The following SLIT3 variants were observed in gnomAD, a reference collection of about 807,000 sequenced individuals.
SLIT3 encodes the protein slit homolog 3 protein.
SLIT3 carries 68 observed loss-of-function variants against 184.0 expected under a neutral mutation model. The observed-to-expected ratio is 0.37, with a 90% CI of 0.30 to 0.45. The LOEUF (loss-of-function observed/expected upper bound fraction) is 0.45, where lower values mean the gene tolerates loss of function less well. SLIT3 is among the 20% of genes least tolerant of loss of function. The pLI is 1.00. For missense variants in SLIT3, 1,707 were observed against 2,026.0 expected, an observed-to-expected ratio of 0.84 and a Z score of 3.02; for synonymous variants, 831 against 828.6, an observed-to-expected ratio of 1.00 and a Z score of -0.05.
chr5:168,795,280 T>C (rs1756526938), intron 10 of SLIT3, among the ~76,000 whole-genome samples: 1 of 152,196 alleles, frequency 6.6e-6, no homozygotes, highest in African/African-American at 2.4e-5. Context: ...TTTGCTTTAG[T>C]TGGAGAGGCT....
intron 3 of SLIT3, among the ~76,000 whole-genome samples, chr5:169,212,827 A>G (rs1170688511): frequency 6.6e-6 from 1 of 152,168 alleles, no homozygotes; most frequent in Non-Finnish European, 1.5e-5. Flanking sequence ...TGTCTAAGGT[A>G]TAAGGAAGGC....
At chr5:168,952,807 G>A (rs1354818452) in intron 4 of SLIT3, among the ~76,000 whole-genome samples, 2 of 152,198 alleles carry the variant, frequency 1.3e-5, no homozygotes, top group Non-Finnish European at 2.9e-5. Flanking sequence ...GGACCATTGC[G>A]ATGGGTGTGG....
intron 4 of SLIT3, among the ~76,000 whole-genome samples, chr5:169,117,859 C>T (rs1294483152): frequency 3.3e-5 from 5 of 152,192 alleles, no homozygotes; most frequent in Non-Finnish European, 7.3e-5. Flanking sequence ...CTCTCCTTGG[C>T]CCTTTACGTG....
At chr5:169,041,952 C>T (rs185992734) in intron 4 of SLIT3, among the ~76,000 whole-genome samples, 3 of 152,224 alleles carry the variant, frequency 2.0e-5, no homozygotes, top group Admixed American at 2.0e-4. Context: ...AAAAAATAAG[C>T]TATTGATCTC....
chr5:168,968,209 T>G (rs1367241389), intron 4 of SLIT3, among the ~76,000 whole-genome samples: 2 of 152,186 alleles, frequency 1.3e-5, no homozygotes, highest in Non-Finnish European at 2.9e-5. Flanking sequence ...ACCATCCTTA[T>G]CAGCAAGCTT....
At chr5:169,185,271 C>T (rs187211072) in intron 4 of SLIT3, among the ~76,000 whole-genome samples, 58 of 152,288 alleles carry the variant, frequency 3.8e-4, no homozygotes, top group Admixed American at 2.9e-3. Flanking sequence ...ATCAGGAAAT[C>T]GGGACTCAGT....
At chr5:168,744,914 T>G (rs907908681) in intron 20 of SLIT3, among the ~76,000 whole-genome samples, 1 of 152,232 alleles carries the variant, frequency 6.6e-6, no homozygotes, top group African/African-American at 2.4e-5. Flanking sequence ...AACTTTCAAG[T>G]CTTATTATTT....
chr5:169,250,595 C>T (rs1765739814), intron 2 of SLIT3, among the ~76,000 whole-genome samples: 1 of 152,182 alleles, frequency 6.6e-6, no homozygotes, highest in Admixed American at 6.5e-5. Context: ...GGTACCAAGA[C>T]TTTAGCTGTC....
chr5:169,054,216 T>TAA (rs35649544), intron 4 of SLIT3, among the ~76,000 whole-genome samples: 20 of 69,782 alleles, frequency 2.9e-4, no homozygotes, highest in African/African-American at 6.2e-4. Flanking sequence ...AGAGAGACAC[T>TAA]AAAAAAAAAA....
At chr5:169,183,532 T>G (rs1034682198) in intron 4 of SLIT3, among the ~76,000 whole-genome samples, 1 of 152,142 alleles carries the variant, frequency 6.6e-6, no homozygotes, top group Non-Finnish European at 1.5e-5. Context: ...TCAACAAAGG[T>G]TGGTCTGATT....
chr5:169,038,988 A>ACCC (rs1303612376), intron 4 of SLIT3, among the ~76,000 whole-genome samples: 2 of 151,908 alleles, frequency 1.3e-5, no homozygotes, highest in Non-Finnish European at 2.9e-5. Flanking sequence ...AGAAAAGATG[A>ACCC]CCCCCTTCTT....
Position 169,196,332 on chromosome 5 carries a change from T to C in SLIT3, c.342-2782A>G, listed in dbSNP as rs553783095. Among the ~76,000 whole-genome samples, 331 of 152,326 alleles carry C rather than the reference T, an allele frequency of 2.2e-3. 1 individual carries two copies. Among genetic ancestry groups the C allele is most frequent in the Non-Finnish European group, 3.5e-3 (237 of 68,018 alleles). ...GGGGCTGGGCACAGGTCTGGCTATA[T>C]TGTGCTCTTGCTGTGGGATCTGAAG... On this transcript the variant is annotated intron_variant, in intron 3 of 35. Coordinates refer to ENST00000519560, the MANE Select transcript of SLIT3 (RefSeq NM_003062.4).
chr5:168,765,863 C>T (rs1431691345), intron 14 of SLIT3, among the ~76,000 whole-genome samples: 2 of 152,124 alleles, frequency 1.3e-5, no homozygotes, highest in African/African-American at 2.4e-5. Context: ...CCCTCCTCCC[C>T]TTTCGCGGGC....
intron 4 of SLIT3, among the ~76,000 whole-genome samples, chr5:168,957,230 A>AG (rs386405627): frequency 2.9e-5 from 1 of 34,048 alleles, no homozygotes; most frequent in Non-Finnish European, 4.6e-5. Context: ...AGTCTGTCTC[A>AG]AAAAAAAAAA....
At chr5:168,975,481 A>G (rs907833695) in intron 4 of SLIT3, among the ~76,000 whole-genome samples, 1 of 151,754 alleles carries the variant, frequency 6.6e-6, no homozygotes, top group East Asian at 1.9e-4. Context: ...AGACATCCAC[A>G]TAGACACCCC....
intron 4 of SLIT3, among the ~76,000 whole-genome samples, chr5:169,085,785 G>A (rs972514357): frequency 2.6e-5 from 4 of 152,180 alleles, no homozygotes; most frequent in African/African-American, 7.2e-5. Flanking sequence ...CCATGAGTTC[G>A]TGAAAATTCC....
intron 4 of SLIT3, among the ~76,000 whole-genome samples, chr5:168,888,957 C>G (rs3923474): frequency 0.35 from 53,188 of 152,060 alleles, 10,308 homozygotes; most frequent in East Asian, 0.61. Context: ...GACAGATAAT[C>G]TACAAATCTA....
At chr5:168,753,170 G>A in intron 17 of SLIT3, 72 bp from the exon 18 acceptor site, 1 of 1,501,730 alleles carries the variant, frequency 6.7e-7, no homozygotes, top group Non-Finnish European at 9.1e-7. Context: ...CCACGGTGGT[G>A]TGTGTGTGTG....
rs374432432 is a variant in SLIT3 at position 168,856,806 on chromosome 5, T to TGTGTGTGTGCGC, written c.486-12152_486-12151insGCGCACACACAC. On this transcript the variant is annotated intron_variant, in intron 5 of 35. Transcript: ENST00000519560. The stretch of plus-strand genomic sequence containing the variant: ...GTGTGTGTGTGTGTGTGTGTGTGTG[T>TGTGTGTGTGCGC]GCGCGCGCGCGCACGCCTTTGTTCA... 4.5e-3 allele frequency among the ~76,000 whole-genome samples: 614 copies of TGTGTGTGTGCGC among 137,792 alleles called. 3 individuals carry two copies. Among genetic ancestry groups the TGTGTGTGTGCGC allele is most frequent in the East Asian group, 0.017 (77 of 4,408 alleles). 90.4% of individuals were successfully genotyped at this position (137,792 alleles called of 152,430 possible).
Sources: allele counts gnomAD v4.1 joint callset (sites outside exome capture counted in the v4.1 genomes callset), GRCh38; gene constraint gnomAD v4.1.1; transcripts MANE v1.5; gene names NCBI Gene and HGNC (gene_info 2026-07-23, HGNC 2026-07-21).